Variants in STXBP3 observed in about 807,000 individuals in gnomAD.
STXBP3 encodes syntaxin binding protein 3.
A neutral mutation model predicts 85.7 loss-of-function variants in STXBP3; 41 were observed. That is an observed-to-expected ratio of 0.48 (90% CI 0.37 to 0.62). The LOEUF is 0.62. Ranked by LOEUF, STXBP3 falls within the 20% of genes least tolerant of loss-of-function variation. The probability of loss-of-function intolerance (pLI) is 0.00; values close to 1 mark genes in which losing one functional copy is unlikely to be tolerated. For synonymous variants in STXBP3, 229 were observed against 231.7 expected, an observed-to-expected ratio of 0.99 and a Z score of 0.10; for missense variants, 563 against 703.1, an observed-to-expected ratio of 0.80 and a Z score of 2.25.
At chr1:108,774,964 C>G (rs1319180239) in intron 7 of STXBP3, among the ~76,000 whole-genome samples, 2 of 142,822 alleles carry the variant, frequency 1.4e-5, no homozygotes, top group African/African-American at 4.9e-5. Flanking sequence ...GTAATCCTGT[C>G]TTTTAAAATT....
chr1:108,778,644 A>G (rs1011551878), intron 8 of STXBP3, among the ~76,000 whole-genome samples: 16 of 151,924 alleles, frequency 1.1e-4, no homozygotes, highest in Non-Finnish European at 2.1e-4. Flanking sequence ...TTTGTTTAGT[A>G]AAATGTCTAA....
rs1473896458 is a variant in STXBP3 at position 108,809,153 on chromosome 1, G to A, written c.*276G>A. The stretch of plus-strand genomic sequence containing the variant: ...GGAGGAGAATATATTAGAGTTGTGG[G>A]TAATTTTTCACAGCCACCTATGTAC... On this transcript the variant is annotated 3_prime_UTR_variant, in exon 19 of 19. Coordinates refer to ENST00000370008, the MANE Select transcript of STXBP3 (RefSeq NM_007269.4). The A allele has an allele frequency of 7.2e-6, 2 of 279,502 alleles. No homozygotes were observed. The highest frequency in any genetic ancestry group is 4.5e-5 in the African/African-American group (2 of 43,996). 17.3% of individuals were successfully genotyped at this position (279,502 alleles called of 1,614,324 possible). A position where few individuals can be genotyped will look rare whatever the true frequency, so the allele number is the denominator to read the frequency against.
intron 13 of STXBP3, 41 bp from the exon 14 acceptor site, chr1:108,796,192 AT>A: frequency 6.3e-7 from 1 of 1,588,876 alleles, no homozygotes; most frequent in Non-Finnish European, 8.6e-7. Flanking sequence ...TAAAAAATGA[AT>A]TTTGGTTATA....
intron 6 of STXBP3, among the ~76,000 whole-genome samples, chr1:108,770,697 T>C (rs182986108): frequency 4.7e-4 from 71 of 152,322 alleles, no homozygotes; most frequent in African/African-American, 1.6e-3. Context: ...TTTCATAGTT[T>C]AAGAGAAATT....
rs1394646096 is a variant in STXBP3, at chr1:108,746,756, G to C, written c.19G>C (p.Glu7Gln). Reference protein sequence around the residue: MAPPVAERGLKSVVWQK... With the variant: MAPPVAQRGLKSVVWQK... ...CGGGAAGATGGCGCCGCCGGTGGCA[G>C]AGAGGGGGCTAAAGAGCGTCGTGTG... is the stretch of plus-strand genomic sequence containing the variant. The change falls in exon 1 of 19, where the codon GAG becomes CAG. Residue 7 changes from glutamate (E) to glutamine (Q), a missense_variant. By Grantham distance (29) the Glu-to-Gln change is conservative. This residue lies in a region of STXBP3 where 37 missense variants were observed against 39.7 expected (regional missense o/e 0.93). Coordinates refer to ENST00000370008, the MANE Select transcript of STXBP3 (RefSeq NM_007269.4). The C allele has an allele frequency of 5.8e-6, 9 of 1,550,244 alleles. No individual in the cohort carries two copies. Among genetic ancestry groups the C allele is most frequent in the African/African-American group, 1.4e-5 (1 of 72,944 alleles).
rs757717938 is a variant in STXBP3 at position 108,776,463 on chromosome 1, T to C, written c.684+40T>C. The C allele has an allele frequency of 2.7e-6, 4 of 1,471,490 alleles. No individual in the cohort carries two copies. In the South Asian group the frequency reaches 4.9e-5, roughly 18 times the overall value. The allele number at this position is 1,471,490 out of a possible 1,614,324, so 91.2% of individuals were successfully genotyped here. A position where few individuals can be genotyped will look rare whatever the true frequency, so the allele number is the denominator to read the frequency against. ...GCAAGTAATGACTATGCATAAAGTC[T>C]GTCTTATTTCTTTATAAGCCAAAGA... On this transcript the variant is annotated intron_variant, in intron 8 of 18. Coordinates refer to ENST00000370008, the MANE Select transcript of STXBP3 (RefSeq NM_007269.4).
chr1:108,766,881 G>C (rs1662274585), intron 6 of STXBP3: 5 of 496,340 alleles, frequency 1.0e-5, no homozygotes, highest in South Asian at 8.0e-5. Context: ...CTTTGTAAGA[G>C]AGCAGGTAAC....
intron 11 of STXBP3, among the ~76,000 whole-genome samples, chr1:108,792,899 T>A (rs1259008792): frequency 1.3e-5 from 2 of 152,224 alleles, no homozygotes; most frequent in African/African-American, 4.8e-5. Context: ...GGATGTTCAC[T>A]TAGGTCTCTT....
In STXBP3 at chr1:108,772,669, A is replaced by T. The variant is rs145246178; in HGVS notation, c.443A>T (p.Tyr148Phe). The change falls in exon 7 of 19, where the codon TAT (tyrosine) becomes TTT (phenylalanine). Residue 148 changes from tyrosine to phenylalanine, a missense_variant. Tyr to Phe is a conservative substitution (Grantham distance 22). Around this residue, in one of 3 missense-constraint regions of STXBP3, gnomAD observed 494 missense variants for 592.8 expected, o/e 0.83. Transcript: ENST00000370008. ...AGTTTTTTTGTCTTAACTTAGGTGT[A>T]TACTCTTGATGTACCAGATGCATTC... ...ISFIPHESQV[Y>F]TLDVPDAFYY... The T allele has an allele frequency of 2.4e-4, 359 of 1,476,634 alleles. No individual in the cohort carries two copies. The highest frequency in any genetic ancestry group is 3.1e-4 in the Non-Finnish European group (347 of 1,105,058). The allele number at this position is 1,476,634 out of a possible 1,614,324, so 91.5% of individuals were successfully genotyped here.
chr1:108,766,942 C>G (rs570042827), intron 6 of STXBP3: 38 of 535,632 alleles, frequency 7.1e-5, no homozygotes, highest in Non-Finnish European at 1.3e-4. Flanking sequence ...TTCAGTGGCA[C>G]TATTCCAATT....
intron 6 of STXBP3, among the ~76,000 whole-genome samples, chr1:108,762,830 A>T (rs1662167898): frequency 6.6e-6 from 1 of 152,202 alleles, no homozygotes. Flanking sequence ...ACAAGACCTC[A>T]GCATCACATG....
At chr1:108,775,034 TTC>T (rs769971463) in intron 7 of STXBP3, among the ~76,000 whole-genome samples, 32 of 152,182 alleles carry the variant, frequency 2.1e-4, no homozygotes, top group Admixed American at 2.0e-4. Context: ...AAAATGAAGT[TTC>T]TTTCTTTTGA....
chr1:108,790,610 T>C (rs551003306), intron 11 of STXBP3, among the ~76,000 whole-genome samples: 1 of 152,146 alleles, frequency 6.6e-6, no homozygotes, highest in South Asian at 2.1e-4. Flanking sequence ...GTATCTTGTT[T>C]TCACTTCATT....
At chr1:108,772,841 C>T (rs1424638443) in intron 7 of STXBP3, 22 bp downstream of exon 7, 9 of 1,556,928 alleles carry the variant, frequency 5.8e-6, no homozygotes, top group Non-Finnish European at 7.0e-6. Flanking sequence ...AGCATCTGCA[C>T]ATGTTATGCT....
At chr1:108,747,600 C>CT (rs1661818153) in intron 1 of STXBP3, among the ~76,000 whole-genome samples, 1 of 152,200 alleles carries the variant, frequency 6.6e-6, no homozygotes, top group Admixed American at 6.5e-5. Flanking sequence ...TTTGGTATCT[C>CT]TGAGTTCAAG....
intron 11 of STXBP3, among the ~76,000 whole-genome samples, chr1:108,783,521 A>T (rs1049204195): frequency 2.0e-5 from 3 of 152,178 alleles, no homozygotes; most frequent in Admixed American, 6.5e-5. Flanking sequence ...TATAGTAGTA[A>T]TACCATTATG....
At chr1:108,763,519 C>T (rs1662187584) in intron 6 of STXBP3, among the ~76,000 whole-genome samples, 1 of 152,118 alleles carries the variant, frequency 6.6e-6, no homozygotes, top group Admixed American at 6.5e-5. Context: ...CAGATGGTAA[C>T]TCTAATAAGA....
Position 108,753,049 on chromosome 1 carries a change from G to C in STXBP3, c.100-14G>C. 2 of 1,527,150 alleles carry C rather than the reference G, an allele frequency of 1.3e-6. No homozygotes were observed. The highest frequency in any genetic ancestry group is 1.3e-5 in the South Asian group (1 of 77,594). The allele number at this position is 1,527,150 out of a possible 1,614,324, so 94.6% of individuals were successfully genotyped here. ...GGATGCTTACAGTATTTTTAAATTT[G>C]TGTTTGTTTTAAGATAATGCTTTTA... On this transcript the variant is annotated splice_polypyrimidine_tract_variant and intron_variant, in intron 2 of 18. Coordinates refer to ENST00000370008, the MANE Select transcript of STXBP3 (RefSeq NM_007269.4).
chr1:108,801,304 AC>A (rs1296075124), intron 17 of STXBP3, among the ~76,000 whole-genome samples: 1 of 152,086 alleles, frequency 6.6e-6, no homozygotes, highest in African/African-American at 2.4e-5. Context: ...TATGAGTCAC[AC>A]ATTCCTGTTT....
Sources: gnomAD v4.1 joint callset for allele counts (sites outside exome capture counted in the v4.1 genomes callset) on GRCh38, gnomAD v4.1.1 for gene constraint, gnomAD v4.1.1 regional missense constraint, MANE v1.5 for transcripts, NCBI Gene and HGNC (gene_info 2026-07-23, HGNC 2026-07-21) for gene names.